The following AP2A2 variants were observed in gnomAD, a reference collection of about 807,000 sequenced individuals.
The protein encoded by AP2A2 is adaptor related protein complex 2 subunit alpha 2.
In AP2A2, 32 loss-of-function variants were observed where a neutral mutation model predicts 104.2. The ratio of observed to expected loss-of-function variants is 0.31; its 90% CI spans 0.23 to 0.41. AP2A2 has a LOEUF of 0.41. AP2A2 is among the 10% of genes least tolerant of loss of function. The pLI, the probability that AP2A2 is intolerant of heterozygous loss-of-function variation, is 1.00. For synonymous variants in AP2A2, 539 were observed against 533.3 expected, an observed-to-expected ratio of 1.01 and a Z score of -0.15; for missense variants, 912 against 1,261.0, an observed-to-expected ratio of 0.72 and a Z score of 4.19.
intron 2 of AP2A2, among the ~76,000 whole-genome samples, chr11:960,523 C>G (rs549412876): frequency 1.3e-5 from 2 of 152,334 alleles, no homozygotes; most frequent in East Asian, 3.9e-4. Context: ...CAGGCATGAG[C>G]CACTGTGCCC....
chr11:970,122 T>G, intron 2 of AP2A2, 47 bp from the exon 3 acceptor site: 2 of 1,603,678 alleles, frequency 1.2e-6, no homozygotes, highest in South Asian at 2.3e-5. Flanking sequence ...CCCTCTCCCC[T>G]GCCTCTGCCC....
intron 14 of AP2A2, 115 bp from the exon 15 acceptor site, chr11:1,000,316 TG>T: frequency 9.9e-7 from 1 of 1,013,906 alleles, no homozygotes; most frequent in Non-Finnish European, 1.5e-6. Context: ...CCCCAGCCAC[TG>T]GGAGTGCATG....
intron 1 of AP2A2, among the ~76,000 whole-genome samples, chr11:957,313 G>A (rs940644524): frequency 6.6e-6 from 1 of 152,230 alleles, no homozygotes; most frequent in East Asian, 1.9e-4. Context: ...CTTTTGTGCA[G>A]ACTTCATTGG....
At chr11:941,574 G>GGGCAGGTGGTTCTGAGA (rs1853644334) in intron 1 of AP2A2, among the ~76,000 whole-genome samples, 1 of 151,794 alleles carries the variant, frequency 6.6e-6, no homozygotes, top group South Asian at 2.1e-4. Context: ...GAGCCACTGT[G>GGGCAGGTGGTTCTGAGA]GCTGGCTGCT....
intron 15 of AP2A2, 132 bp from the exon 16 acceptor site, chr11:1,003,590 C>T: frequency 1.8e-6 from 1 of 557,664 alleles, no homozygotes. Context: ...GAATAGTTTC[C>T]ACTTTTTTCT....
At chr11:961,807 G>A (rs1854449984) in intron 2 of AP2A2, among the ~76,000 whole-genome samples, 1 of 140,210 alleles carries the variant, frequency 7.1e-6, no homozygotes, top group Non-Finnish European at 1.5e-5. Context: ...CAGAGTCGCC[G>A]CCACGAGTGA....
chr11:987,738 G>A (rs535355326), intron 9 of AP2A2, among the ~76,000 whole-genome samples: 1 of 152,304 alleles, frequency 6.6e-6, no homozygotes, highest in Admixed American at 6.5e-5. Context: ...GAGCGACCCC[G>A]AGGGTTCGTT....
Position 943,827 on chromosome 11 carries a change from A to G in AP2A2, c.68-15610A>G, listed in dbSNP as rs532819061. On this transcript the variant is annotated intron_variant, in intron 1 of 21. Transcript: ENST00000448903. ...TGGCAGCGGAGATGGCGAGAATAGG[A>G]GAGTCCGACCGGAGATGCAGGTGGC... 7.9e-3 allele frequency among the ~76,000 whole-genome samples: 1,042 copies of G among 131,378 alleles called. 21 individuals are homozygous for G. Among genetic ancestry groups the G allele is most frequent in the African/African-American group, 0.029 (993 of 33,666 alleles). The allele number at this position is 131,378 out of a possible 152,430, so 86.2% of individuals were successfully genotyped here.
intron 1 of AP2A2, among the ~76,000 whole-genome samples, chr11:953,997 G>A (rs1052812910): frequency 1.3e-5 from 2 of 152,016 alleles, no homozygotes; most frequent in African/African-American, 4.8e-5. Context: ...ACCATGCCTG[G>A]CTAATTTTTG....
chr11:931,177 C>T (rs1337595160), intron 1 of AP2A2, among the ~76,000 whole-genome samples: 1 of 152,080 alleles, frequency 6.6e-6, no homozygotes, highest in South Asian at 2.1e-4. Context: ...CCATCGAGGT[C>T]CATTCAGGCT....
chr11:951,361 T>C (rs1343144968), intron 1 of AP2A2, among the ~76,000 whole-genome samples: 1 of 151,996 alleles, frequency 6.6e-6, no homozygotes, highest in Non-Finnish European at 1.5e-5. Context: ...ACCCCACCTC[T>C]ACTAAAAATA....
At chr11:926,391 GGGTGTCCAGGGTCTA>G (rs1443786314) in intron 1 of AP2A2, among the ~76,000 whole-genome samples, 1 of 150,658 alleles carries the variant, frequency 6.6e-6, no homozygotes, top group African/African-American at 2.4e-5. Context: ...GTGCGGGGTG[GGGTGTCCAGGGTCTA>G]GGGGTGCGGG....
At chr11:995,110 TCA>T (rs1491396924) in intron 14 of AP2A2, among the ~76,000 whole-genome samples, 1 of 152,200 alleles carries the variant, frequency 6.6e-6, no homozygotes, top group Non-Finnish European at 1.5e-5. Context: ...CCAGCTCAGC[TCA>T]CACATCCTCT....
intron 1 of AP2A2, chr11:948,639 C>T (rs903957214): frequency 1.3e-5 from 2 of 148,632 alleles, no homozygotes; most frequent in Non-Finnish European, 3.0e-5. Context: ...GTCTGAGGCA[C>T]TCGGATCACT....
intron 4 of AP2A2, among the ~76,000 whole-genome samples, chr11:973,173 G>A (rs1854892883): frequency 2.0e-5 from 3 of 152,228 alleles, no homozygotes; most frequent in Admixed American, 2.0e-4. Context: ...AGTGAGGACT[G>A]GAGACAAGGT....
At chr11:932,743 C>T (rs971635234) in intron 1 of AP2A2, 1 of 456,284 alleles carries the variant, frequency 2.2e-6, no homozygotes, top group Non-Finnish European at 4.4e-6. Context: ...CACCCTGGTT[C>T]TCTTCACAGT....
At chr11:950,927 T>C (rs1299354016) in intron 1 of AP2A2, among the ~76,000 whole-genome samples, 1 of 151,668 alleles carries the variant, frequency 6.6e-6, no homozygotes, top group Non-Finnish European at 1.5e-5. Context: ...ACCCCGTCTG[T>C]ACTAAAATAC....
At chr11:1,007,226 G>A (rs1383966594) in intron 17 of AP2A2, 1 of 153,956 alleles carries the variant, frequency 6.5e-6, no homozygotes, top group East Asian at 1.9e-4. Flanking sequence ...AGCGACCTGA[G>A]TGAAGCAACA....
chr11:1,007,749 G>C (rs1311838463), intron 17 of AP2A2: 1 of 561,268 alleles, frequency 1.8e-6, no homozygotes, highest in Non-Finnish European at 3.2e-6. Flanking sequence ...GAGGCTCAGA[G>C]TGAAAACAGA....
Sources: allele counts gnomAD v4.1 joint callset (sites outside exome capture counted in the v4.1 genomes callset), GRCh38; gene constraint gnomAD v4.1.1; transcripts MANE v1.5; gene names NCBI Gene and HGNC (gene_info 2026-07-23, HGNC 2026-07-21).